Variants in RORB observed in about 807,000 individuals in gnomAD.
The protein encoded by RORB is RAR related orphan receptor B, also known as nuclear receptor ROR-beta.
RORB carries 6 observed loss-of-function variants against 59.1 expected under a neutral mutation model. The ratio of observed to expected loss-of-function variants is 0.10; its 90% CI spans 0.06 to 0.20. The LOEUF is 0.20. Among genes scored for constraint, RORB ranks in the 10% least tolerant of loss-of-function variants. The pLI is 1.00. For missense variants in RORB, 320 were observed against 560.5 expected (o/e 0.57, Z 4.33); for synonymous variants, 215 against 204.5 (o/e 1.05, Z -0.44).
intron 1 of RORB, among the ~76,000 whole-genome samples, chr9:74,561,303 AT>A (rs1397709457): frequency 6.6e-6 from 1 of 152,182 alleles, no homozygotes; most frequent in Non-Finnish European, 1.5e-5. Context: ...GGAGTGAAAT[AT>A]CAGGAGAAAT....
intron 1 of RORB, among the ~76,000 whole-genome samples, chr9:74,547,021 G>A (rs187667196): frequency 2.0e-5 from 3 of 152,236 alleles, no homozygotes; most frequent in Non-Finnish European, 2.9e-5. Flanking sequence ...TTGAACTCAG[G>A]AGGCAGAGGC....
chr9:74,660,173 T>A (rs1379023443), intron 4 of RORB, among the ~76,000 whole-genome samples: 1 of 152,118 alleles, frequency 6.6e-6, no homozygotes, highest in Admixed American at 6.5e-5. Flanking sequence ...TAATGCTTCC[T>A]TTAAAAAAAT....
chr9:74,660,948 A>G (rs1449209744), intron 5 of RORB, among the ~76,000 whole-genome samples: 1 of 152,192 alleles, frequency 6.6e-6, no homozygotes, highest in Non-Finnish European at 1.5e-5. Flanking sequence ...GTCTCCAGAT[A>G]CTGCCAACTG....
At chr9:74,614,829 A>G (rs749646749) in intron 1 of RORB, among the ~76,000 whole-genome samples, 1 of 152,182 alleles carries the variant, frequency 6.6e-6, no homozygotes, top group Non-Finnish European at 1.5e-5. Flanking sequence ...ACCTATTCAT[A>G]TATTTATCCT....
chr9:74,653,307 A>C (rs1262742711), intron 4 of RORB, among the ~76,000 whole-genome samples: 3 of 152,192 alleles, frequency 2.0e-5, no homozygotes, highest in Non-Finnish European at 4.4e-5. Flanking sequence ...TTCACAGTGA[A>C]TCTCCTAAGA....
chr9:74,682,028 G>A (rs917016365), intron 9 of RORB, among the ~76,000 whole-genome samples: 3 of 151,950 alleles, frequency 2.0e-5, no homozygotes, highest in East Asian at 1.9e-4. Context: ...CATGTCCTTC[G>A]ACTGAAAAGC....
intron 1 of RORB, among the ~76,000 whole-genome samples, chr9:74,532,708 A>G (rs1306144143): frequency 6.7e-6 from 1 of 149,990 alleles, no homozygotes; most frequent in Non-Finnish European, 1.5e-5. Flanking sequence ...ATATATGTTT[A>G]TACATATATG....
intron 1 of RORB, among the ~76,000 whole-genome samples, chr9:74,530,839 C>T (rs960426824): frequency 3.3e-5 from 5 of 151,920 alleles, no homozygotes; most frequent in South Asian, 2.1e-4. Flanking sequence ...TCGTCATTTA[C>T]ATTAGGTGTA....
intron 3 of RORB, among the ~76,000 whole-genome samples, chr9:74,642,143 C>T (rs1040278392): frequency 2.0e-5 from 3 of 152,104 alleles, no homozygotes; most frequent in Non-Finnish European, 2.9e-5. Flanking sequence ...TGCTTTCTAA[C>T]TTCATGGCAA....
intron 1 of RORB, among the ~76,000 whole-genome samples, chr9:74,557,460 G>C (rs997788623): frequency 3.3e-5 from 5 of 152,084 alleles, no homozygotes; most frequent in African/African-American, 1.2e-4. Flanking sequence ...TGAACCTTGA[G>C]CTTTTCCTAT....
At chr9:74,617,989 G>A (rs1823340740) in intron 1 of RORB, among the ~76,000 whole-genome samples, 1 of 151,906 alleles carries the variant, frequency 6.6e-6, no homozygotes, top group South Asian at 2.1e-4. Context: ...AGCAATGGAG[G>A]CTAAATTGCA....
At chr9:74,659,510 T>TC (rs1824146204) in intron 4 of RORB, among the ~76,000 whole-genome samples, 6 of 150,662 alleles carry the variant, frequency 4.0e-5, no homozygotes, top group African/African-American at 1.5e-4. Context: ...TTTTGCTTCG[T>TC]TTTGTTTTGT....
intron 1 of RORB, among the ~76,000 whole-genome samples, chr9:74,611,207 G>A (rs778363251): frequency 6.6e-6 from 1 of 152,116 alleles, no homozygotes; most frequent in Non-Finnish European, 1.5e-5. Context: ...ACTCCCCCTT[G>A]CCTCTAAAGC....
At chr9:74,641,090 C>G (rs912679144) in intron 3 of RORB, among the ~76,000 whole-genome samples, 2 of 152,140 alleles carry the variant, frequency 1.3e-5, no homozygotes, top group African/African-American at 2.4e-5. Context: ...GTGGGAATAC[C>G]GTCACAAAAG....
At chr9:74,684,061 A>G (rs888845845) in intron 9 of RORB, among the ~76,000 whole-genome samples, 8 of 152,200 alleles carry the variant, frequency 5.3e-5, no homozygotes, top group African/African-American at 1.4e-4. Context: ...AGCAGTGGAG[A>G]TGGTTAAGAT....
intron 8 of RORB, among the ~76,000 whole-genome samples, chr9:74,671,539 C>T (rs1824345735): frequency 1.3e-5 from 2 of 152,146 alleles, no homozygotes; most frequent in African/African-American, 4.8e-5. Flanking sequence ...CAATAAGAAA[C>T]AAAGCAGTAG....
chr9:74,656,316 T>C (rs911727278), intron 4 of RORB, among the ~76,000 whole-genome samples: 2 of 152,210 alleles, frequency 1.3e-5, no homozygotes, highest in Non-Finnish European at 2.9e-5. Flanking sequence ...CTCCACTCCA[T>C]CTCTGTCATT....
At chr9:74,586,917 T>A (rs770749724) in intron 1 of RORB, among the ~76,000 whole-genome samples, 4 of 152,182 alleles carry the variant, frequency 2.6e-5, no homozygotes, top group Non-Finnish European at 5.9e-5. Flanking sequence ...TCAGTTTTTT[T>A]AACCTCATGC....
intron 1 of RORB, among the ~76,000 whole-genome samples, chr9:74,550,233 CTA>C (rs1260175722): frequency 6.6e-6 from 1 of 152,120 alleles, no homozygotes; most frequent in Non-Finnish European, 1.5e-5. Flanking sequence ...GAAAAAAAAT[CTA>C]TGTTTGAAAA....
Sources: allele counts gnomAD v4.1 joint callset (sites outside exome capture counted in the v4.1 genomes callset), GRCh38; gene constraint gnomAD v4.1.1; transcripts MANE v1.5; gene names NCBI Gene and HGNC (gene_info 2026-07-23, HGNC 2026-07-21).